Variants in LIN7A observed in about 807,000 individuals in gnomAD.
LIN7A encodes lin-7 cell polarity scaffold A.
Under a neutral mutation model 29.8 loss-of-function variants are expected in LIN7A, and 25 were observed. The observed-to-expected ratio is 0.84, with a 90% CI of 0.61 to 1.17. The LOEUF (loss-of-function observed/expected upper bound fraction) is 1.17. Among genes scored for constraint, LIN7A ranks in the 50% most tolerant of loss-of-function variants. The pLI is 0.00. For synonymous variants in LIN7A, 118 were observed against 107.5 expected (o/e 1.10, Z -0.60); for missense variants, 239 against 287.0 (o/e 0.83, Z 1.21).
intron 5 of LIN7A, among the ~76,000 whole-genome samples, chr12:80,807,077 T>TTTTTTTTTTTGTTG (rs869213361): frequency 0.045 from 5,156 of 115,500 alleles, 573 homozygotes; most frequent in African/African-American, 0.15. Flanking sequence ...TTTTTTTTTT[T>TTTTTTTTTTTGTTG]TTTTTTTTTT....
intron 1 of LIN7A, among the ~76,000 whole-genome samples, chr12:80,894,316 G>A (rs1264176499): frequency 6.6e-6 from 1 of 152,098 alleles, no homozygotes; most frequent in African/African-American, 2.4e-5. Flanking sequence ...AGGCTGCCAG[G>A]TAAGCACAAG....
intron 1 of LIN7A, among the ~76,000 whole-genome samples, chr12:80,925,009 T>A (rs1877505266): frequency 6.6e-6 from 1 of 152,190 alleles, no homozygotes; most frequent in Non-Finnish European, 1.5e-5. Flanking sequence ...TTTTCTTGAA[T>A]AAAAAATGTC....
At chr12:80,849,967 T>C (rs1040325591) in intron 2 of LIN7A, among the ~76,000 whole-genome samples, 2 of 152,174 alleles carry the variant, frequency 1.3e-5, no homozygotes, top group African/African-American at 4.8e-5. Flanking sequence ...TGACTTTGCC[T>C]GCATCCAAGG....
chr12:80,927,686 GCTAA>G (rs1393271123), intron 1 of LIN7A, among the ~76,000 whole-genome samples: 2 of 152,126 alleles, frequency 1.3e-5, no homozygotes, highest in Admixed American at 1.3e-4. Flanking sequence ...GAGAAAAACT[GCTAA>G]CTGTGAATTT....
chr12:80,906,756 G>A (rs986367349), intron 1 of LIN7A, among the ~76,000 whole-genome samples: 3 of 151,914 alleles, frequency 2.0e-5, no homozygotes, highest in Non-Finnish European at 2.9e-5. Flanking sequence ...ATCTGTAAAC[G>A]AAACCCCAAC....
intron 4 of LIN7A, among the ~76,000 whole-genome samples, chr12:80,841,342 G>GGGAA (rs201176926): frequency 0.013 from 1,618 of 126,010 alleles, 20 homozygotes; most frequent in Middle Eastern, 0.042. Flanking sequence ...GAAAGAGGGA[G>GGGAA]GGAAGGAAGG....
chr12:80,835,047 T>C (rs541322178), intron 4 of LIN7A, among the ~76,000 whole-genome samples: 1 of 152,304 alleles, frequency 6.6e-6, no homozygotes, highest in African/African-American at 2.4e-5. Flanking sequence ...TTCCACAAAA[T>C]ATAAATGATG....
intron 4 of LIN7A, among the ~76,000 whole-genome samples, chr12:80,825,047 C>A (rs906507871): frequency 6.6e-6 from 1 of 152,210 alleles, no homozygotes; most frequent in African/African-American, 2.4e-5. Context: ...GCATCCAAAT[C>A]AGTCAAGAGG....
intron 4 of LIN7A, among the ~76,000 whole-genome samples, chr12:80,830,904 G>T (rs10862194): frequency 0.4 from 60,051 of 151,736 alleles, 12,031 homozygotes; most frequent in Non-Finnish European, 0.42. Flanking sequence ...CCTTAACTGA[G>T]GCTACTCTGA....
chr12:80,907,927 T>C (rs933458536), intron 1 of LIN7A, among the ~76,000 whole-genome samples: 4 of 152,180 alleles, frequency 2.6e-5, no homozygotes, highest in Non-Finnish European at 2.9e-5. Context: ...CTGTATAGAA[T>C]AGACAATTCA....
chr12:80,916,996 T>C (rs918115288), intron 1 of LIN7A, among the ~76,000 whole-genome samples: 2 of 152,148 alleles, frequency 1.3e-5, no homozygotes, highest in Non-Finnish European at 2.9e-5. Context: ...ATATGGTCAG[T>C]TAATAAAAAT....
chr12:80,916,920 G>A (rs1483961258), intron 1 of LIN7A, among the ~76,000 whole-genome samples: 3 of 152,134 alleles, frequency 2.0e-5, no homozygotes, highest in Non-Finnish European at 4.4e-5. Flanking sequence ...CAATGTACCA[G>A]GCTGTGTTCT....
chr12:80,801,649 TAAC>T (rs1042810398), intron 5 of LIN7A, among the ~76,000 whole-genome samples: 2 of 152,208 alleles, frequency 1.3e-5, no homozygotes, highest in African/African-American at 4.8e-5. Flanking sequence ...ATAAAATAAT[TAAC>T]ACATTTTATC....
At chr12:80,842,595 G>A (rs141905294) in intron 4 of LIN7A, among the ~76,000 whole-genome samples, 3 of 151,374 alleles carry the variant, frequency 2.0e-5, no homozygotes, top group African/African-American at 7.3e-5. Context: ...TCAATCATTT[G>A]CTAATCTTTT....
chr12:80,835,246 A>G (rs1030044567), intron 4 of LIN7A, among the ~76,000 whole-genome samples: 1 of 152,188 alleles, frequency 6.6e-6, no homozygotes, highest in Non-Finnish European at 1.5e-5. Context: ...AGGCTGTTTA[A>G]TAATAATATA....
At chr12:80,806,453 C>T (rs1870993688) in intron 5 of LIN7A, among the ~76,000 whole-genome samples, 1 of 152,082 alleles carries the variant, frequency 6.6e-6, no homozygotes, top group Non-Finnish European at 1.5e-5. Context: ...CTGCACAGTA[C>T]TTGCATTAAA....
At chr12:80,837,840 CTCA>C (rs112671811) in intron 4 of LIN7A, among the ~76,000 whole-genome samples, 302 of 150,606 alleles carry the variant, frequency 2.0e-3, no homozygotes, top group African/African-American at 4.5e-3. Context: ...CATCATCATC[CTCA>C]TCATCATCAT....
At chr12:80,853,697 AT>A (rs1329972864) in intron 2 of LIN7A, among the ~76,000 whole-genome samples, 2 of 151,038 alleles carry the variant, frequency 1.3e-5, no homozygotes, top group East Asian at 2.0e-4. Flanking sequence ...GAGAACTAGA[AT>A]TTTTTTTTCT....
intron 2 of LIN7A, among the ~76,000 whole-genome samples, chr12:80,867,463 T>C (rs1441787133): frequency 6.6e-6 from 1 of 152,150 alleles, no homozygotes; most frequent in Non-Finnish European, 1.5e-5. Flanking sequence ...GGTGGGGGTA[T>C]AAACCTGAAC....
Sources: gnomAD v4.1 joint callset for allele counts (sites outside exome capture counted in the v4.1 genomes callset) on GRCh38, gnomAD v4.1.1 for gene constraint, MANE v1.5 for transcripts, NCBI Gene and HGNC (gene_info 2026-07-23, HGNC 2026-07-21) for gene names.